Variants in ATXN7 observed in about 807,000 individuals in gnomAD.
The protein encoded by ATXN7 is ataxin-7.
ATXN7 carries 12 observed loss-of-function variants against 70.5 expected under a neutral mutation model. The observed-to-expected ratio is 0.17, with a 90% CI of 0.11 to 0.28. The LOEUF is 0.28. Among genes scored for constraint, ATXN7 ranks in the 10% least tolerant of loss-of-function variants. ATXN7 has a pLI of 1.00. For missense variants in ATXN7, 1,256 were observed against 1,131.7 expected, an observed-to-expected ratio of 1.11 and a Z score of -1.58; for synonymous variants, 498 against 448.7, an observed-to-expected ratio of 1.11 and a Z score of -1.39.
At chr3:63,919,944 T>G (rs1294720681) in intron 4 of ATXN7, among the ~76,000 whole-genome samples, 3 of 151,892 alleles carry the variant, frequency 2.0e-5, no homozygotes, top group African/African-American at 7.3e-5. Flanking sequence ...AGTCCAGAAC[T>G]TTCATGGAAT....
intron 1 of ATXN7, among the ~76,000 whole-genome samples, chr3:63,893,600 C>T (rs1158227357): frequency 2.6e-5 from 4 of 152,122 alleles, no homozygotes; most frequent in South Asian, 4.1e-4. Context: ...CCACATGAGG[C>T]GTTCTACGAA....
chr3:63,870,575 T>A (rs1025399252), intron 1 of ATXN7, among the ~76,000 whole-genome samples: 2 of 152,242 alleles, frequency 1.3e-5, no homozygotes, highest in Non-Finnish European at 2.9e-5. Context: ...CTGTCACCAA[T>A]TAATTTTATT....
At chr3:63,920,357 C>T (rs1704459116) in intron 4 of ATXN7, among the ~76,000 whole-genome samples, 1 of 152,116 alleles carries the variant, frequency 6.6e-6, no homozygotes, top group Non-Finnish European at 1.5e-5. Context: ...CTCCATTTTA[C>T]AGATGAGGAA....
chr3:63,869,095 TCTA>T (rs536796004), intron 1 of ATXN7, among the ~76,000 whole-genome samples: 2 of 152,258 alleles, frequency 1.3e-5, no homozygotes, highest in Non-Finnish European at 2.9e-5. Flanking sequence ...TAAACTTGCT[TCTA>T]CTATTTCTAT....
intron 5 of ATXN7, among the ~76,000 whole-genome samples, chr3:63,979,315 A>T (rs953459193): frequency 6.6e-6 from 1 of 152,200 alleles, no homozygotes; most frequent in African/African-American, 2.4e-5. Flanking sequence ...TGAGATTATT[A>T]AAAAAGGGGG....
At chr3:63,943,102 G>T (rs966053284) in intron 4 of ATXN7, among the ~76,000 whole-genome samples, 1 of 152,134 alleles carries the variant, frequency 6.6e-6, no homozygotes, top group African/African-American at 2.4e-5. Context: ...GAAGCCACAG[G>T]GGCCTGCCTT....
chr3:63,908,386 A>G (rs935568039), intron 2 of ATXN7, among the ~76,000 whole-genome samples: 1 of 152,218 alleles, frequency 6.6e-6, no homozygotes, highest in Non-Finnish European at 1.5e-5. Flanking sequence ...AGATGTAGTC[A>G]GAGGAGTGAG....
rs569772636 is a variant in ATXN7 at position 63,884,370 on chromosome 3, A to C, written c.-110-14029A>C. ...CAAACCTAGAACAATTTGAGCAGCT[A>C]AAAAACATAGTATTAGATTGTAACC... On this transcript the variant is annotated intron_variant, in intron 1 of 12. Transcript: ENST00000674280. Among the ~76,000 whole-genome samples, 111 of 152,250 alleles carry C rather than the reference A, an allele frequency of 7.3e-4. 1 individual carries two copies. Among genetic ancestry groups the C allele is most frequent in the South Asian group, 1.9e-3 (9 of 4,824 alleles).
At chr3:63,921,248 C>A (rs943914649) in intron 4 of ATXN7, among the ~76,000 whole-genome samples, 1 of 152,092 alleles carries the variant, frequency 6.6e-6, no homozygotes, top group Non-Finnish European at 1.5e-5. Flanking sequence ...GATTCACAAT[C>A]TTAAAACAGA....
chr3:63,912,643 C>CGCGGCG lies in ATXN7; in HGVS notation c.56_61dup (p.Ala19_Ala20dup), dbSNP rs767487520. 26 of 1,027,628 alleles carry CGCGGCG rather than the reference C, an allele frequency of 2.5e-5. No individual in the cohort carries two copies. Among genetic ancestry groups the CGCGGCG allele is most frequent in the Middle Eastern group, 4.8e-4 (1 of 2,096 alleles). The allele number at this position is 1,027,628 out of a possible 1,614,324, so 63.7% of individuals were successfully genotyped here. A position where few individuals can be genotyped will look rare whatever the true frequency, so the allele number is the denominator to read the frequency against. ...ATGACGTCAGGGGGGAGCCGCGCCG[C>CGCGGCG]GCGGCGGCGGCGGCGGGCGGAGCAG... is the stretch of plus-strand genomic sequence containing the variant. On this transcript the variant is annotated inframe_insertion, in exon 3 of 13. Transcript: ENST00000674280.
In ATXN7 at chr3:64,002,937, G is replaced by A. The variant is rs1467137920; in HGVS notation, c.*3470G>A. On this transcript the variant is annotated 3_prime_UTR_variant, in exon 13 of 13. Coordinates refer to ENST00000674280, the MANE Select transcript of ATXN7 (RefSeq NM_001377405.1). The stretch of plus-strand genomic sequence containing the variant: ...ATATAATACAAAGAAGTACCTCTGA[G>A]AACATTGAAAAAAATGTATAATTTG... 6.6e-6 allele frequency: 1 copy of A among 151,942 alleles called. No homozygotes were observed. The highest frequency in any genetic ancestry group is 1.5e-5 in the Non-Finnish European group (1 of 67,984). The allele number at this position is 151,942 out of a possible 1,614,324, so 9.4% of individuals were successfully genotyped here.
chr3:63,954,698 TG>T lies in ATXN7; in HGVS notation c.499+2216del, dbSNP rs1289404318. On this transcript the variant is annotated intron_variant, in intron 5 of 12. Coordinates refer to ENST00000674280, the MANE Select transcript of ATXN7 (RefSeq NM_001377405.1). Reference sequence around the variant, plus strand: ...ATATCAGTGTACGGGTAGGAAAAAGTGTTTTTTTTTTTGTTTTTTTTTTTTT... The same window carrying T: ...ATATCAGTGTACGGGTAGGAAAAAGTTTTTTTTTTTTGTTTTTTTTTTTTT... Among the ~76,000 whole-genome samples, 1,020 of 146,386 alleles carry T rather than the reference TG, an allele frequency of 7.0e-3. 11 individuals are homozygous for T. The highest frequency in any genetic ancestry group is 0.025 in the African/African-American group (967 of 38,864).
intron 1 of ATXN7, chr3:63,866,920 C>G (rs1217902553): frequency 6.7e-6 from 1 of 150,124 alleles, no homozygotes; most frequent in Non-Finnish European, 1.5e-5. Flanking sequence ...ACTTGTATGA[C>G]CTTATATTTA....
intron 8 of ATXN7, among the ~76,000 whole-genome samples, chr3:63,986,470 GT>G (rs1348699522): frequency 6.6e-6 from 1 of 152,136 alleles, no homozygotes; most frequent in African/African-American, 2.4e-5. Flanking sequence ...CTGAGGAGAG[GT>G]TTATACATCT....
chr3:63,891,388 A>G (rs995949653), intron 1 of ATXN7, among the ~76,000 whole-genome samples: 11 of 151,170 alleles, frequency 7.3e-5, no homozygotes, highest in African/African-American at 2.7e-4. Flanking sequence ...GCACAGTCAT[A>G]GCTCACTGCA....
At chr3:63,952,316 C>A (rs12485317) in intron 4 of ATXN7, 63 bp from the exon 5 acceptor site, 2 of 1,296,276 alleles carry the variant, frequency 1.5e-6, no homozygotes, top group South Asian at 2.9e-5. Flanking sequence ...AAGTAGTTTC[C>A]CAAAATGGTT....
intron 3 of ATXN7, 26 bp from the exon 4 acceptor site, chr3:63,913,127 CCCCT>C (rs1559629624): frequency 6.2e-7 from 1 of 1,608,090 alleles, no homozygotes; most frequent in East Asian, 2.2e-5. Flanking sequence ...ACCTGCCTCT[CCCCT>C]CCTCCTGTGT....
chr3:63,888,116 T>C (rs562656915), intron 1 of ATXN7, among the ~76,000 whole-genome samples: 1 of 152,210 alleles, frequency 6.6e-6, no homozygotes, highest in South Asian at 2.1e-4. Flanking sequence ...AGATAATCAG[T>C]AGTTGCTTTA....
intron 5 of ATXN7, among the ~76,000 whole-genome samples, chr3:63,958,901 CATG>C (rs1250903034): frequency 3.3e-5 from 5 of 152,064 alleles, no homozygotes; most frequent in African/African-American, 1.2e-4. Flanking sequence ...ATTTATTTTG[CATG>C]ATAAGGATGT....
Sources: gnomAD v4.1 joint callset for allele counts (sites outside exome capture counted in the v4.1 genomes callset) on GRCh38, gnomAD v4.1.1 for gene constraint, MANE v1.5 for transcripts, NCBI Gene and HGNC (gene_info 2026-07-23, HGNC 2026-07-21) for gene names.